Variants in DOCK4 observed in about 807,000 individuals in gnomAD.
DOCK4 encodes the protein dedicator of cytokinesis protein 4.
Under a neutral mutation model 268.1 loss-of-function variants are expected in DOCK4, and 97 were observed. The ratio of observed to expected loss-of-function variants is 0.36; its 90% CI spans 0.31 to 0.43. The LOEUF is 0.43. Ranked by LOEUF, DOCK4 falls within the 20% of genes least tolerant of loss-of-function variation. The pLI, the probability that DOCK4 is intolerant of heterozygous loss-of-function variation, is 1.00. For missense variants in DOCK4, 2,145 were observed against 2,455.7 expected, an observed-to-expected ratio of 0.87 and a Z score of 2.67; for synonymous variants, 954 against 887.2, an observed-to-expected ratio of 1.08 and a Z score of -1.34.
At chr7:111,838,393 A>C (rs1292343341) in intron 25 of DOCK4, among the ~76,000 whole-genome samples, 1 of 152,216 alleles carries the variant, frequency 6.6e-6, no homozygotes, top group Non-Finnish European at 1.5e-5. Flanking sequence ...AGCCAAACCC[A>C]GGAACAACTC....
intron 1 of DOCK4, among the ~76,000 whole-genome samples, chr7:112,172,402 C>T (rs544955589): frequency 6.6e-6 from 1 of 152,268 alleles, no homozygotes; most frequent in South Asian, 2.1e-4. Flanking sequence ...GAATTTGGGC[C>T]ATATCTCTCA....
At chr7:111,932,733 CAAGTCTTCA>C (rs1263010917) in intron 12 of DOCK4, among the ~76,000 whole-genome samples, 1 of 151,866 alleles carries the variant, frequency 6.6e-6, no homozygotes, top group Non-Finnish European at 1.5e-5. Flanking sequence ...CTTATTGGGC[CAAGTCTTCA>C]AAATACGGTA....
intron 52 of DOCK4, 115 bp downstream of exon 52, chr7:111,732,111 A>G (rs1795132162): frequency 1.9e-6 from 2 of 1,037,964 alleles, no homozygotes; most frequent in Non-Finnish European, 2.8e-6. Context: ...CCTGATTGAT[A>G]AGTTCTTTGC....
Position 112,115,435 on chromosome 7 carries a change from G to C in DOCK4, c.37+90667C>G, listed in dbSNP as rs544357353. On this transcript the variant is annotated intron_variant, in intron 1 of 52. Coordinates refer to ENST00000428084, the MANE Select transcript of DOCK4 (RefSeq NM_001363540.2). ...CTGCTTTGGACACCTGCAGCCTACT[G>C]TTCTCACCTCCTCCATGGCACATTT... is the stretch of plus-strand genomic sequence containing the variant. 1.4e-4 allele frequency among the ~76,000 whole-genome samples: 21 copies of C among 152,266 alleles called. 1 individual carries two copies. In the South Asian group the frequency reaches 4.4e-3, roughly 32 times the overall value.
chr7:112,200,373 G>T (rs1485232375), intron 1 of DOCK4, among the ~76,000 whole-genome samples: 2 of 152,096 alleles, frequency 1.3e-5, no homozygotes, highest in Non-Finnish European at 2.9e-5. Context: ...TACTAATCTA[G>T]AGTAAGTCAC....
At chr7:111,865,081 C>G (rs1166486753) in intron 22 of DOCK4, among the ~76,000 whole-genome samples, 1 of 152,224 alleles carries the variant, frequency 6.6e-6, no homozygotes, top group Non-Finnish European at 1.5e-5. Flanking sequence ...TAGTTTTGAC[C>G]TTCCTAGTAG....
intron 1 of DOCK4, among the ~76,000 whole-genome samples, chr7:112,102,525 T>G: frequency 6.6e-6 from 1 of 152,274 alleles, no homozygotes; most frequent in Middle Eastern, 3.4e-3. Context: ...GGGAGGCGAT[T>G]AGGCTGTAAG....
intron 1 of DOCK4, among the ~76,000 whole-genome samples, chr7:112,194,941 T>A (rs12537934): frequency 0.058 from 8,888 of 152,264 alleles, 353 homozygotes; most frequent in Admixed American, 0.13. Flanking sequence ...AGAGTATTAA[T>A]GGAGATTTTA....
intron 1 of DOCK4, among the ~76,000 whole-genome samples, chr7:112,039,942 CA>C (rs1297127544): frequency 1.3e-5 from 2 of 152,076 alleles, no homozygotes; most frequent in Non-Finnish European, 2.9e-5. Flanking sequence ...TACCATACAA[CA>C]CATTTATTCT....
intron 1 of DOCK4, among the ~76,000 whole-genome samples, chr7:112,102,545 G>A (rs150417898): frequency 4.1e-4 from 62 of 152,266 alleles, no homozygotes; most frequent in African/African-American, 1.5e-3. Context: ...GAGTAGAGTC[G>A]TCAGGAATGA....
rs370817396 is a variant in DOCK4, at chr7:112,147,309, G to A, written c.37+58793C>T. Reference sequence around the variant, plus strand: ...ATGGCAAGTAAAATATGTTTTGGGCGTTTTCAAGGAGATCCAAACCTAGGT... The same window carrying A: ...ATGGCAAGTAAAATATGTTTTGGGCATTTTCAAGGAGATCCAAACCTAGGT... On this transcript the variant is annotated intron_variant, in intron 1 of 52. Transcript: ENST00000428084. Among the ~76,000 whole-genome samples, 17 of 152,206 alleles carry A rather than the reference G, an allele frequency of 1.1e-4. No homozygotes were observed. The East Asian group carries it at 1.5e-3, about 14-fold the overall frequency.
intron 11 of DOCK4, among the ~76,000 whole-genome samples, chr7:111,935,977 A>G (rs1177149253): frequency 6.6e-6 from 1 of 152,134 alleles, no homozygotes; most frequent in African/African-American, 2.4e-5. Context: ...ACTATTAACC[A>G]AGCTATGTTC....
At chr7:111,878,425 C>T (rs991276982) in intron 16 of DOCK4, among the ~76,000 whole-genome samples, 11 of 152,184 alleles carry the variant, frequency 7.2e-5, no homozygotes, top group African/African-American at 2.7e-4. Context: ...TTCTCCTGCG[C>T]CAACCCCAGA....
Position 111,869,628 on chromosome 7 carries a change from G to A in DOCK4, c.2055C>T (p.Tyr685=), listed in dbSNP as rs200120389. Reference sequence around the variant, plus strand: ...GCTCTGCTTCTGTGATCCGGTCCACGTACCATTTGAGCACTTTGATGAGAT... The same window carrying A: ...GCTCTGCTTCTGTGATCCGGTCCACATACCATTTGAGCACTTTGATGAGAT... ...YRDLIKVLKW[Y]VDRITEAERQ... is the part of the protein sequence containing the mutation. The change falls in exon 21 of 53, where the codon TAC becomes TAT. Residue 685 remains tyrosine, a synonymous_variant. Coordinates refer to ENST00000428084, the MANE Select transcript of DOCK4 (RefSeq NM_001363540.2). The A allele has an allele frequency of 5.0e-6, 8 of 1,613,264 alleles. No homozygotes were observed. Among genetic ancestry groups the A allele is most frequent in the African/African-American group, 2.7e-5 (2 of 75,024 alleles).
chr7:111,802,182 C>T (rs1403000584), intron 30 of DOCK4, among the ~76,000 whole-genome samples: 1 of 152,104 alleles, frequency 6.6e-6, no homozygotes, highest in Non-Finnish European at 1.5e-5. Context: ...CTCAATCACT[C>T]TTACTGTCAT....
At chr7:111,910,637 T>C (rs1345201863) in intron 13 of DOCK4, among the ~76,000 whole-genome samples, 1 of 152,218 alleles carries the variant, frequency 6.6e-6, no homozygotes, top group Non-Finnish European at 1.5e-5. Context: ...TACCAAAACA[T>C]TTAAAATTAG....
At chr7:112,042,821 G>A (rs1473600424) in intron 1 of DOCK4, among the ~76,000 whole-genome samples, 2 of 152,174 alleles carry the variant, frequency 1.3e-5, no homozygotes, top group African/African-American at 4.8e-5. Flanking sequence ...CCTTCAAGGG[G>A]TAATTTGATC....
Position 111,728,318 on chromosome 7 carries a change from C to G in DOCK4, c.5884G>C (p.Gly1962Arg). The part of the protein sequence containing the change: ...LENGARRTDP[G>R]PRPRPLPRKV... Reference sequence around the variant, plus strand: ...CGGGGCAGGGGCCTGGGCCGCGGGCCGGGGTCAGTCCTCCGGGCCCCATTC... The same window carrying G: ...CGGGGCAGGGGCCTGGGCCGCGGGCGGGGGTCAGTCCTCCGGGCCCCATTC... The change falls in exon 53 of 53, where the codon GGC (glycine) becomes CGC (arginine). Residue 1962 changes from glycine (G) to arginine (R), a missense_variant. Gly to Arg is a moderately radical substitution (Grantham distance 125, BLOSUM62 -2). This residue lies in a region of DOCK4 where 547 missense variants were observed against 469.0 expected (regional missense o/e 1.17). Transcript: ENST00000428084. 1.3e-6 allele frequency: 2 copies of G among 1,512,522 alleles called. No homozygotes were observed. The highest frequency in any genetic ancestry group is 2.3e-5 in the Admixed American group (1 of 43,800). 93.7% of individuals were successfully genotyped at this position (1,512,522 alleles called of 1,614,324 possible).
intron 23 of DOCK4, among the ~76,000 whole-genome samples, chr7:111,852,319 G>A (rs931538889): frequency 9.9e-5 from 15 of 152,012 alleles, no homozygotes; most frequent in Non-Finnish European, 1.9e-4. Context: ...AACCAGGTCT[G>A]GCCTCAGGTT....
Sources: allele counts gnomAD v4.1 joint callset (sites outside exome capture counted in the v4.1 genomes callset), GRCh38; gene constraint gnomAD v4.1.1; regional missense constraint gnomAD v4.1.1; transcripts MANE v1.5; gene names NCBI Gene and HGNC (gene_info 2026-07-23, HGNC 2026-07-21).